Variants in SLC25A26 observed in about 807,000 individuals in gnomAD.
The protein encoded by SLC25A26 is mitochondrial S-adenosylmethionine carrier protein.
Under a neutral mutation model 37.8 loss-of-function variants are expected in SLC25A26, and 36 were observed. That is an observed-to-expected ratio of 0.95 (90% CI 0.73 to 1.26). The LOEUF is 1.26. Among genes scored for constraint, SLC25A26 ranks in the 50% most tolerant of loss-of-function variants. The probability of loss-of-function intolerance (pLI) is 0.00; values close to 1 mark genes in which losing one functional copy is unlikely to be tolerated. For missense variants in SLC25A26, 390 were observed against 331.1 expected, an observed-to-expected ratio of 1.18 and a Z score of -1.38; for synonymous variants, 129 against 122.5, an observed-to-expected ratio of 1.05 and a Z score of -0.35.
chr3:66,170,797 T>TG (rs1398598500), intron 1 of SLC25A26, among the ~76,000 whole-genome samples: 9 of 120,100 alleles, frequency 7.5e-5, no homozygotes, highest in Non-Finnish European at 1.0e-4. Flanking sequence ...TATTGTTTTT[T>TG]TTTTTTTTTT....
chr3:66,282,126 C>T (rs1338919050), intron 5 of SLC25A26, among the ~76,000 whole-genome samples: 1 of 151,460 alleles, frequency 6.6e-6, no homozygotes, highest in African/African-American at 2.4e-5. Context: ...ATTCTCCTGC[C>T]TCAGCCTCCC....
chr3:66,267,800 G>A (rs2073813656), intron 5 of SLC25A26, among the ~76,000 whole-genome samples: 1 of 152,180 alleles, frequency 6.6e-6, no homozygotes, highest in Admixed American at 6.5e-5. Flanking sequence ...ACTCTTAGTA[G>A]TTTATTCAAA....
At chr3:66,257,205 T>C (rs1232397036) in intron 3 of SLC25A26, among the ~76,000 whole-genome samples, 6 of 152,082 alleles carry the variant, frequency 3.9e-5, no homozygotes, top group African/African-American at 7.2e-5. Context: ...TAAGGTATAA[T>C]TTTGGAAAAT....
chr3:66,246,852 C>G, intron 3 of SLC25A26, among the ~76,000 whole-genome samples: 1 of 152,032 alleles, frequency 6.6e-6, no homozygotes, highest in African/African-American at 2.4e-5. Context: ...CTGGCAATTC[C>G]TAGAGAATCT....
At chr3:66,365,946 C>G (rs1176453285) in intron 7 of SLC25A26, among the ~76,000 whole-genome samples, 8 of 152,200 alleles carry the variant, frequency 5.3e-5, no homozygotes, top group African/African-American at 1.9e-4. Flanking sequence ...CCCCCACATT[C>G]TCAGCCACTG....
chr3:66,282,376 C>T (rs1296640349), intron 5 of SLC25A26, among the ~76,000 whole-genome samples: 3 of 152,128 alleles, frequency 2.0e-5, no homozygotes, highest in East Asian at 1.9e-4. Context: ...GAACTCCCGA[C>T]CTCAAGGGAG....
At chr3:66,348,412 T>A (rs933997925) in intron 6 of SLC25A26, among the ~76,000 whole-genome samples, 1 of 152,210 alleles carries the variant, frequency 6.6e-6, no homozygotes, top group African/African-American at 2.4e-5. Flanking sequence ...AAAATGTATT[T>A]CTCGCTGTGG....
intron 5 of SLC25A26, among the ~76,000 whole-genome samples, chr3:66,293,696 C>G (rs1425541563): frequency 6.6e-6 from 1 of 152,160 alleles, no homozygotes; most frequent in Non-Finnish European, 1.5e-5. Flanking sequence ...TAGCATCATC[C>G]ATATTCCTGC....
At chr3:66,145,596 T>A (rs28445802) in intron 1 of SLC25A26, among the ~76,000 whole-genome samples, 51,611 of 151,986 alleles carry the variant, frequency 0.34, 9,009 homozygotes, top group East Asian at 0.43. Context: ...TGTTTTTTTT[T>A]AAATACTAAT....
At chr3:66,285,599 A>G (rs1049848348) in intron 5 of SLC25A26, among the ~76,000 whole-genome samples, 6 of 113,262 alleles carry the variant, frequency 5.3e-5, no homozygotes, top group Non-Finnish European at 1.1e-4. Context: ...AGCTGGGACT[A>G]CAGGCACCCA....
intron 5 of SLC25A26, among the ~76,000 whole-genome samples, chr3:66,309,923 G>C (rs1372386080): frequency 6.6e-6 from 1 of 152,120 alleles, no homozygotes; most frequent in Non-Finnish European, 1.5e-5. Context: ...TTCCATTTAT[G>C]TGGTCGATTT....
intron 5 of SLC25A26, among the ~76,000 whole-genome samples, chr3:66,334,374 G>C (rs551928930): frequency 6.6e-6 from 1 of 152,244 alleles, no homozygotes; most frequent in East Asian, 1.9e-4. Flanking sequence ...GAGTGCAGTG[G>C]CATGATCTCG....
intron 5 of SLC25A26, among the ~76,000 whole-genome samples, chr3:66,310,822 T>C (rs533953747): frequency 1.2e-4 from 19 of 152,326 alleles, no homozygotes; most frequent in African/African-American, 4.6e-4. Context: ...TATTGGCCTT[T>C]ACTCTCTTTT....
upstream of SLC25A26, among the ~76,000 whole-genome samples, chr3:66,216,523 CAAAT>C (rs1219035228): frequency 6.6e-5 from 10 of 151,806 alleles, no homozygotes; most frequent in African/African-American, 1.9e-4. Context: ...AACAAACAAA[CAAAT>C]AAACAAAAAA....
At chr3:66,228,306 T>A (rs1553661639) in intron 1 of SLC25A26, among the ~76,000 whole-genome samples, 1 of 152,232 alleles carries the variant, frequency 6.6e-6, no homozygotes, top group Non-Finnish European at 1.5e-5. Context: ...TCTTTCTGTT[T>A]AAGAAAGGCA....
chr3:66,212,754 C>G lies in SLC25A26; in HGVS notation c.-353-7988C>G, dbSNP rs920592976. On this transcript the variant is annotated intron_variant, in intron 1 of 10. Coordinates refer to the SLC25A26 transcript ENST00000676754. ...TCATATAATATTGGTCTTTTTGTGACTGGCTTATTTTGCTTAGCATAATGT... is the reference window on the plus strand; with the variant it reads ...TCATATAATATTGGTCTTTTTGTGAGTGGCTTATTTTGCTTAGCATAATGT... 2.9e-3 allele frequency among the ~76,000 whole-genome samples: 445 copies of G among 152,286 alleles called. 2 individuals carry two copies. The highest frequency in any genetic ancestry group is 5.0e-3 in the Non-Finnish European group (342 of 68,030).
At chr3:66,273,804 C>T (rs76290340) in intron 5 of SLC25A26, among the ~76,000 whole-genome samples, 24,373 of 151,920 alleles carry the variant, frequency 0.16, 2,349 homozygotes, top group Non-Finnish European at 0.22. Context: ...GAATCAATAT[C>T]GTGAAAATGG....
intron 5 of SLC25A26, among the ~76,000 whole-genome samples, chr3:66,307,009 T>G (rs1218090648): frequency 6.6e-6 from 1 of 152,264 alleles, no homozygotes; most frequent in Non-Finnish European, 1.5e-5. Flanking sequence ...TGTAATCCTT[T>G]GGGTATATAC....
intron 1 of SLC25A26, among the ~76,000 whole-genome samples, chr3:66,207,483 T>C (rs2071196594): frequency 6.6e-6 from 1 of 152,200 alleles, no homozygotes; most frequent in Non-Finnish European, 1.5e-5. Flanking sequence ...AAACTTGTTT[T>C]AAAGGCAAGT....
Sources: gnomAD v4.1 joint callset for allele counts (sites outside exome capture counted in the v4.1 genomes callset) on GRCh38, gnomAD v4.1.1 for gene constraint, MANE v1.5 for transcripts, NCBI Gene and HGNC (gene_info 2026-07-23, HGNC 2026-07-21) for gene names.